Variants in HUNK observed in about 807,000 individuals in gnomAD.
HUNK encodes the protein hormonally up-regulated neu tumor-associated kinase.
In HUNK, 21 loss-of-function variants were observed where a neutral mutation model predicts 61.0. The ratio of observed to expected loss-of-function variants is 0.34; its 90% CI spans 0.24 to 0.50. The LOEUF is 0.50. HUNK is among the 20% of genes least tolerant of loss of function. The probability of loss-of-function intolerance (pLI) is 0.98; values close to 1 mark genes in which losing one functional copy is unlikely to be tolerated. For synonymous variants in HUNK, 371 were observed against 386.1 expected (o/e 0.96, Z 0.46); for missense variants, 772 against 945.7 (o/e 0.82, Z 2.41).
chr21:31,912,199 A>T lies in HUNK; in HGVS notation c.262-12269A>T, dbSNP rs1183187075. Among the ~76,000 whole-genome samples the T allele has an allele frequency of 2.0e-5, 3 of 152,054 alleles. No homozygotes were observed. In the East Asian group the frequency reaches 5.8e-4, roughly 29 times the overall value. On this transcript the variant is annotated intron_variant, in intron 1 of 10. Coordinates refer to ENST00000270112, the MANE Select transcript of HUNK (RefSeq NM_014586.2). The stretch of plus-strand genomic sequence containing the variant: ...CCCTGTTGTTATCCAGGGCATGCTG[A>T]TGGAGCTCCTTCCAGGTTCCTGACG...
intron 4 of HUNK, among the ~76,000 whole-genome samples, chr21:31,951,229 G>A (rs1435119640): frequency 6.6e-6 from 1 of 151,072 alleles, no homozygotes; most frequent in Non-Finnish European, 1.5e-5. Context: ...ATAGATGTGT[G>A]TGTCTCCAAT....
intron 1 of HUNK, 86 bp downstream of exon 1, chr21:31,874,021 C>G: frequency 1.8e-6 from 2 of 1,098,210 alleles, no homozygotes. Context: ...ACTGGGAGTC[C>G]CAGTGTGCAG....
chr21:31,952,177 A>G (rs1014777518), intron 4 of HUNK, among the ~76,000 whole-genome samples: 1 of 151,676 alleles, frequency 6.6e-6, no homozygotes, highest in East Asian at 1.9e-4. Flanking sequence ...GATTTTCCAA[A>G]TGGATGAATT....
intron 8 of HUNK, among the ~76,000 whole-genome samples, chr21:31,985,501 G>A (rs532590285): frequency 6.6e-6 from 1 of 152,324 alleles, no homozygotes; most frequent in South Asian, 2.1e-4. Context: ...TCAGGAGAGG[G>A]ACTTGCCCCC....
chr21:31,981,454 A>G (rs2053097069), intron 7 of HUNK, among the ~76,000 whole-genome samples: 1 of 151,684 alleles, frequency 6.6e-6, no homozygotes, highest in South Asian at 2.1e-4. Flanking sequence ...TTAGTATAGT[A>G]TGGACATTTT....
chr21:31,934,274 T>G (rs886989622), intron 2 of HUNK, among the ~76,000 whole-genome samples: 1 of 151,676 alleles, frequency 6.6e-6, no homozygotes, highest in Non-Finnish European at 1.5e-5. Context: ...AAATCCTGTC[T>G]CTACTAAAAA....
intron 1 of HUNK, among the ~76,000 whole-genome samples, chr21:31,904,094 C>T (rs767601620): frequency 2.6e-5 from 4 of 151,690 alleles, no homozygotes; most frequent in African/African-American, 4.8e-5. Context: ...TCCCCTTTTC[C>T]TGTAAGCTAA....
At chr21:31,877,274 T>C (rs1417585230) in intron 1 of HUNK, among the ~76,000 whole-genome samples, 2 of 152,154 alleles carry the variant, frequency 1.3e-5, no homozygotes, top group Non-Finnish European at 2.9e-5. Context: ...TTGGTTACAC[T>C]TCCAAAAAGC....
chr21:31,967,647 C>T (rs892732830), intron 5 of HUNK, among the ~76,000 whole-genome samples: 4 of 151,942 alleles, frequency 2.6e-5, no homozygotes, highest in Non-Finnish European at 4.4e-5. Context: ...AGGTGGGCGG[C>T]GGTGCAGAAT....
At chr21:31,901,468 C>G (rs2052467363) in intron 1 of HUNK, among the ~76,000 whole-genome samples, 2 of 152,122 alleles carry the variant, frequency 1.3e-5, no homozygotes, top group African/African-American at 4.8e-5. Flanking sequence ...GGCTTGGTGG[C>G]AGGAATGATG....
chr21:31,988,838 T>C (rs1601412253), intron 8 of HUNK, among the ~76,000 whole-genome samples: 1 of 130,592 alleles, frequency 7.7e-6, no homozygotes, highest in Admixed American at 8.2e-5. Flanking sequence ...TCCCCTCCCC[T>C]CCCCTCCTTC....
At chr21:31,972,717 A>T (rs1298841402) in intron 6 of HUNK, among the ~76,000 whole-genome samples, 1 of 152,210 alleles carries the variant, frequency 6.6e-6, no homozygotes, top group South Asian at 2.1e-4. Context: ...AATCGTGCCA[A>T]TCCCTCTCCC....
intron 2 of HUNK, among the ~76,000 whole-genome samples, chr21:31,928,995 T>C (rs2052679524): frequency 6.6e-6 from 1 of 152,106 alleles, no homozygotes; most frequent in South Asian, 2.1e-4. Context: ...TGCAGGATGA[T>C]TTTTTGTGGC....
At chr21:31,905,251 T>C (rs2052497239) in intron 1 of HUNK, among the ~76,000 whole-genome samples, 1 of 152,130 alleles carries the variant, frequency 6.6e-6, no homozygotes, top group Admixed American at 6.6e-5. Flanking sequence ...TATTAGTTAA[T>C]TTCACCTGTT....
intron 4 of HUNK, among the ~76,000 whole-genome samples, chr21:31,950,457 G>T (rs1370909054): frequency 1.3e-5 from 2 of 152,226 alleles, no homozygotes; most frequent in Admixed American, 1.3e-4. Flanking sequence ...AGACGGCCAG[G>T]TGGAGAACAG....
At chr21:31,926,204 C>T (rs900547694) in intron 2 of HUNK, among the ~76,000 whole-genome samples, 3 of 152,224 alleles carry the variant, frequency 2.0e-5, no homozygotes, top group African/African-American at 4.8e-5. Flanking sequence ...AGGCGTGAGC[C>T]ACCACGCCCG....
chr21:31,942,754 G>A (rs188538836), intron 3 of HUNK, among the ~76,000 whole-genome samples: 4 of 152,240 alleles, frequency 2.6e-5, no homozygotes, highest in Admixed American at 6.5e-5. Context: ...CAGGATGCCC[G>A]CACCTGCTAG....
At chr21:31,971,876 T>G (rs1022958320) in intron 6 of HUNK, among the ~76,000 whole-genome samples, 1 of 149,962 alleles carries the variant, frequency 6.7e-6, no homozygotes, top group Non-Finnish European at 1.5e-5. Flanking sequence ...TAGCCCAGGC[T>G]AGAGTTCAGT....
intron 4 of HUNK, among the ~76,000 whole-genome samples, chr21:31,952,787 A>G (rs1434566192): frequency 2.3e-5 from 3 of 128,678 alleles, no homozygotes; most frequent in Non-Finnish European, 4.6e-5. Context: ...TATGCTGCCT[A>G]GTATCTTTGG....
Sources: allele counts gnomAD v4.1 joint callset (sites outside exome capture counted in the v4.1 genomes callset), GRCh38; gene constraint gnomAD v4.1.1; transcripts MANE v1.5; gene names NCBI Gene and HGNC (gene_info 2026-07-23, HGNC 2026-07-21).